COL11A1: variants seen among roughly 807,000 people sequenced by gnomAD.
COL11A1 encodes the protein collagen type XI alpha 1 chain, also known as collagen alpha-1(XI) chain.
A neutral mutation model predicts 265.2 loss-of-function variants in COL11A1; 74 were observed. The ratio of observed to expected loss-of-function variants is 0.28; its 90% CI spans 0.23 to 0.34. COL11A1 has a LOEUF of 0.34. COL11A1 is among the 10% of genes least tolerant of loss of function. COL11A1 has a pLI of 1.00. For synonymous variants in COL11A1, 816 were observed against 727.6 expected (o/e 1.12, Z -1.96); for missense variants, 2,165 against 2,263.6 (o/e 0.96, Z 0.88).
chr1:102,953,716 T>C (rs1197420373), intron 41 of COL11A1, among the ~76,000 whole-genome samples: 1 of 152,152 alleles, frequency 6.6e-6, no homozygotes, highest in African/African-American at 2.4e-5. Flanking sequence ...TTATATGGCA[T>C]ATTTAATACA....
chr1:102,974,572 C>A (rs185605551), intron 36 of COL11A1, among the ~76,000 whole-genome samples: 244 of 152,170 alleles, frequency 1.6e-3, no homozygotes, highest in Middle Eastern at 3.4e-3. Flanking sequence ...AGTAAAGGAG[C>A]AGCTGAGAGA....
At chr1:103,010,703 A>AT (rs750645755) in intron 14 of COL11A1, among the ~76,000 whole-genome samples, 3,518 of 144,658 alleles carry the variant, frequency 0.024, 49 homozygotes, top group African/African-American at 0.043. Context: ...ATATTTGTAA[A>AT]TTTTTTTTTT....
chr1:102,937,947 T>C (rs1051450293), intron 44 of COL11A1, among the ~76,000 whole-genome samples: 2 of 152,238 alleles, frequency 1.3e-5, no homozygotes, highest in Non-Finnish European at 1.5e-5. Flanking sequence ...TTTCTTGTCA[T>C]AATTTTACAG....
chr1:103,088,072 CT>C (rs956919672), intron 1 of COL11A1, among the ~76,000 whole-genome samples: 3 of 152,254 alleles, frequency 2.0e-5, no homozygotes, highest in Non-Finnish European at 4.4e-5. Flanking sequence ...GTCTTTGATC[CT>C]TTCTCCCTTG....
In COL11A1 at chr1:102,891,881, G is replaced by T. The variant is rs76687786; in HGVS notation, c.4303-1377C>A. ...ATGGGTGACAGAGGAACACCCTGTC[G>T]CTAGAGAAAGTAAACAAAACAAAAC... On this transcript the variant is annotated intron_variant, in intron 57 of 66. Transcript: ENST00000370096. 7.0e-4 allele frequency among the ~76,000 whole-genome samples: 107 copies of T among 152,006 alleles called. 3 individuals are homozygous for T. In the East Asian group the frequency reaches 0.021, roughly 29 times the overall value.
chr1:102,915,593 C>G, intron 50 of COL11A1, 38 bp downstream of exon 50: 1 of 1,578,050 alleles, frequency 6.3e-7, no homozygotes, highest in South Asian at 1.1e-5. Flanking sequence ...AATTCCCAAA[C>G]CAATAATACA....
intron 46 of COL11A1, among the ~76,000 whole-genome samples, chr1:102,928,488 T>A (rs1369464307): frequency 6.6e-6 from 1 of 152,182 alleles, no homozygotes; most frequent in African/African-American, 2.4e-5. Flanking sequence ...ATTTTATTAA[T>A]CCAGTCTATC....
intron 4 of COL11A1, among the ~76,000 whole-genome samples, chr1:103,067,304 G>A (rs1035041324): frequency 2.6e-5 from 4 of 151,658 alleles, no homozygotes; most frequent in East Asian, 3.9e-4. Flanking sequence ...ATTCTCAGAA[G>A]ACAACAGAAT....
At chr1:102,929,635 A>G (rs1180163556) in intron 46 of COL11A1, among the ~76,000 whole-genome samples, 2 of 152,056 alleles carry the variant, frequency 1.3e-5, no homozygotes, top group Non-Finnish European at 2.9e-5. Flanking sequence ...GAAGAAAGGC[A>G]TTGGTAGCTT....
intron 36 of COL11A1, among the ~76,000 whole-genome samples, chr1:102,971,856 A>G (rs1557888069): frequency 6.6e-6 from 1 of 151,960 alleles, no homozygotes; most frequent in East Asian, 1.9e-4. Flanking sequence ...TACTACTGCC[A>G]TCCTCTTCTT....
At chr1:102,914,584 T>A in intron 51 of COL11A1, 120 bp downstream of exon 51, 1 of 976,920 alleles carries the variant, frequency 1.0e-6, no homozygotes, top group Non-Finnish European at 1.6e-6. Context: ...ATATATGAAA[T>A]GATGAAAAGT....
intron 33 of COL11A1, 35 bp from the exon 34 acceptor site, chr1:102,978,948 T>C: frequency 6.2e-7 from 1 of 1,613,704 alleles, no homozygotes; most frequent in African/African-American, 1.3e-5. Flanking sequence ...CCCAAACTAA[T>C]GCCAGACAAA....
chr1:102,953,945 G>A (rs1660131588), intron 41 of COL11A1, among the ~76,000 whole-genome samples: 2 of 152,104 alleles, frequency 1.3e-5, no homozygotes, highest in South Asian at 2.1e-4. Flanking sequence ...TTCTTAATAT[G>A]TGATTTAAAT....
Position 102,930,739 on chromosome 1 carries a change from G to T in COL11A1, c.3600+3710C>A, listed in dbSNP as rs1657311643. Among the ~76,000 whole-genome samples, 3 of 151,968 alleles carry T rather than the reference G, an allele frequency of 2.0e-5. 1 individual carries two copies. The highest frequency in any genetic ancestry group is 2.9e-5 in the Non-Finnish European group (2 of 67,952). ...TCTGGTCCTGCACTCTTTTTGGTTG[G>T]TAAGCTATTGATTATTGCCACAATT... On this transcript the variant is annotated intron_variant, in intron 46 of 66. Coordinates refer to ENST00000370096, the MANE Select transcript of COL11A1 (RefSeq NM_001854.4).
chr1:103,093,374 A>C (rs951173823), intron 1 of COL11A1, among the ~76,000 whole-genome samples: 1 of 152,146 alleles, frequency 6.6e-6, no homozygotes, highest in Non-Finnish European at 1.5e-5. Flanking sequence ...TAGAAAAACC[A>C]CTGAGGAGAA....
intron 24 of COL11A1, 113 bp from the exon 25 acceptor site, chr1:102,998,476 G>T: frequency 1.7e-6 from 1 of 599,290 alleles, no homozygotes; most frequent in Non-Finnish European, 2.8e-6. Flanking sequence ...CAATTCATAA[G>T]TAATAACCAT....
intron 54 of COL11A1, 50 bp from the exon 55 acceptor site, chr1:102,899,044 G>T: frequency 9.4e-7 from 1 of 1,068,520 alleles, no homozygotes; most frequent in Non-Finnish European, 1.4e-6. Flanking sequence ...TAAAAGTAAT[G>T]TTAATGAGCA....
chr1:103,065,544 A>AAAAG (rs1558016855), intron 4 of COL11A1, among the ~76,000 whole-genome samples: 1 of 116,534 alleles, frequency 8.6e-6, no homozygotes, highest in East Asian at 2.6e-4. Flanking sequence ...AAAAAAAAAA[A>AAAAG]AAAGAAAGCA....
chr1:102,942,337 C>T (rs1413102865), intron 42 of COL11A1, among the ~76,000 whole-genome samples: 1 of 152,118 alleles, frequency 6.6e-6, no homozygotes, highest in Admixed American at 6.5e-5. Flanking sequence ...AATCTCTAGC[C>T]AGGAATCACT....
Sources: allele counts gnomAD v4.1 joint callset (sites outside exome capture counted in the v4.1 genomes callset), GRCh38; gene constraint gnomAD v4.1.1; transcripts MANE v1.5; gene names NCBI Gene and HGNC (gene_info 2026-07-23, HGNC 2026-07-21).